GRIN2B: variants seen among roughly 807,000 people sequenced by gnomAD.
GRIN2B encodes the protein glutamate ionotropic receptor NMDA type subunit 2B, also known as glutamate receptor ionotropic, NMDA 2B.
GRIN2B carries 5 observed loss-of-function variants against 114.5 expected under a neutral mutation model. The ratio of observed to expected loss-of-function variants is 0.04; its 90% confidence interval spans 0.02 to 0.09. The LOEUF (loss-of-function observed/expected upper bound fraction) is 0.09. GRIN2B is among the 10% of genes least tolerant of loss of function. The pLI is 1.00. For synonymous variants in GRIN2B, 787 were observed against 745.1 expected (o/e 1.06, Z -0.92); for missense variants, 1,108 against 1,943.5 (o/e 0.57, Z 8.08).
At position 13,783,431 on chromosome 12, in the gene GRIN2B, G is replaced by GGTTTTGTTTTGCTTTGTTTT. The variant is rs1864157502; in HGVS notation, c.412-29517_412-29516insAAAACAAAGCAAAACAAAAC. 2.7e-5 allele frequency among the ~76,000 whole-genome samples: 4 copies of GGTTTTGTTTTGCTTTGTTTT among 149,632 alleles called. No individual in the cohort carries two copies. In the Admixed American group the frequency reaches 2.7e-4, roughly 10 times the overall value. ...GACAAGAGAATTGGTAACGGAAATAGGTTTTGTTTTGTTTTGTTTTGTTTT... is the reference window on the plus strand; with the variant it reads ...GACAAGAGAATTGGTAACGGAAATAGGTTTTGTTTTGCTTTGTTTTGTTTTGTTTTGTTTTGTTTTGTTTT... On this transcript the variant is annotated intron_variant, in intron 3 of 13. Transcript: ENST00000609686.
intron 3 of GRIN2B, among the ~76,000 whole-genome samples, chr12:13,773,190 G>T (rs141007848): frequency 7.0e-4 from 106 of 152,290 alleles, no homozygotes; most frequent in Non-Finnish European, 1.3e-3. Context: ...GGAACTGCGA[G>T]TCTTTATGAA....
At chr12:13,945,761 T>G (rs1309526208) in intron 2 of GRIN2B, among the ~76,000 whole-genome samples, 4 of 152,128 alleles carry the variant, frequency 2.6e-5, no homozygotes, top group Non-Finnish European at 5.9e-5. Flanking sequence ...CTGTGAGACA[T>G]GGGAACATAA....
intron 3 of GRIN2B, among the ~76,000 whole-genome samples, chr12:13,777,374 C>T (rs1864024325): frequency 1.3e-5 from 2 of 152,294 alleles, no homozygotes; most frequent in South Asian, 4.1e-4. Flanking sequence ...CTCTAGACCT[C>T]TTCTTTTCCA....
chr12:13,729,532 C>T (rs891368529), intron 4 of GRIN2B, among the ~76,000 whole-genome samples: 3 of 151,998 alleles, frequency 2.0e-5, no homozygotes, highest in African/African-American at 7.3e-5. Flanking sequence ...AGGGAGAAAG[C>T]TTGGGGAAGA....
rs374009765 is a variant in GRIN2B, at chr12:13,788,853, G to T, written c.412-34938C>A. ...GAGACCACTTCCCTTTTTCTCCAAG[G>T]AAGACCTGCCTTGGCCTGAGCATCA... On this transcript the variant is annotated intron_variant, in intron 3 of 13. Coordinates refer to ENST00000609686, the MANE Select transcript of GRIN2B (RefSeq NM_000834.5). 2.6e-5 allele frequency among the ~76,000 whole-genome samples: 4 copies of T among 152,268 alleles called. No individual in the cohort carries two copies. In the South Asian group the frequency reaches 8.3e-4, roughly 32 times the overall value.
chr12:13,859,404 T>C (rs907635493), intron 3 of GRIN2B, among the ~76,000 whole-genome samples: 2 of 152,154 alleles, frequency 1.3e-5, no homozygotes, highest in Admixed American at 1.3e-4. Flanking sequence ...AAATCCTAGC[T>C]CCAATTTTTA....
intron 5 of GRIN2B, among the ~76,000 whole-genome samples, chr12:13,642,490 C>A (rs1949728657): frequency 6.6e-6 from 1 of 152,070 alleles, no homozygotes. Context: ...ATCCAAGAAG[C>A]TATGACTCTC....
At chr12:13,964,188 C>T (rs2136865142) in intron 2 of GRIN2B, among the ~76,000 whole-genome samples, 1 of 152,286 alleles carries the variant, frequency 6.6e-6, no homozygotes, top group Non-Finnish European at 1.5e-5. Context: ...GTACTTGCAT[C>T]CCCTATCCCT....
In GRIN2B at chr12:13,691,252, A is replaced by G. The variant is rs1297530321; in HGVS notation, c.1011-15393T>C. Among the ~76,000 whole-genome samples, 12 of 152,320 alleles carry G rather than the reference A, an allele frequency of 7.9e-5. No individual in the cohort carries two copies. The East Asian group carries it at 2.3e-3, about 29-fold the overall frequency. On this transcript the variant is annotated intron_variant, in intron 4 of 13. Coordinates refer to ENST00000609686, the MANE Select transcript of GRIN2B (RefSeq NM_000834.5). ...AATAACCCAGGATGTCAGTATCTTCAGAGAGTCCCTGTGGGTCCATGCAAA... is the reference window on the plus strand; with the variant it reads ...AATAACCCAGGATGTCAGTATCTTCGGAGAGTCCCTGTGGGTCCATGCAAA...
At chr12:13,657,485 G>A (rs1056494421) in intron 5 of GRIN2B, among the ~76,000 whole-genome samples, 3 of 152,194 alleles carry the variant, frequency 2.0e-5, no homozygotes, top group East Asian at 1.9e-4. Flanking sequence ...TCATGTTAGC[G>A]ATATGGGAAG....
intron 4 of GRIN2B, among the ~76,000 whole-genome samples, chr12:13,712,122 A>T (rs909387576): frequency 1.3e-5 from 2 of 151,758 alleles, no homozygotes; most frequent in Non-Finnish European, 2.9e-5. Flanking sequence ...GCAAACTATC[A>T]CAAGGACGGA....
intron 2 of GRIN2B, among the ~76,000 whole-genome samples, chr12:13,943,836 T>C (rs1867311592): frequency 6.6e-6 from 1 of 152,176 alleles, no homozygotes; most frequent in Non-Finnish European, 1.5e-5. Context: ...CACTCTCGTC[T>C]ATGATCATAT....
At chr12:13,798,619 T>C (rs1010974277) in intron 3 of GRIN2B, among the ~76,000 whole-genome samples, 3 of 152,230 alleles carry the variant, frequency 2.0e-5, no homozygotes, top group Non-Finnish European at 2.9e-5. Flanking sequence ...TCTTATATTG[T>C]AATCTGCCTT....
intron 2 of GRIN2B, among the ~76,000 whole-genome samples, chr12:13,897,657 A>T (rs1287094686): frequency 6.6e-6 from 1 of 152,168 alleles, no homozygotes; most frequent in Non-Finnish European, 1.5e-5. Context: ...CCCCGCTAGA[A>T]AATAAGAATG....
intron 2 of GRIN2B, among the ~76,000 whole-genome samples, chr12:13,912,708 C>T (rs1866645225): frequency 6.6e-6 from 1 of 152,006 alleles, no homozygotes; most frequent in South Asian, 2.1e-4. Flanking sequence ...TATGACTAGA[C>T]CTTTAAGAGT....
At chr12:13,871,453 G>T (rs1283776781) in intron 2 of GRIN2B, among the ~76,000 whole-genome samples, 1 of 151,166 alleles carries the variant, frequency 6.6e-6, no homozygotes, top group Non-Finnish European at 1.5e-5. Context: ...AAATTCCTTT[G>T]AACAGAATAA....
chr12:13,642,241 A>T (rs906057787), intron 5 of GRIN2B, among the ~76,000 whole-genome samples: 1 of 151,416 alleles, frequency 6.6e-6, no homozygotes, highest in South Asian at 2.1e-4. Context: ...AACTAAACTA[A>T]ACTAAAATGT....
intron 3 of GRIN2B, among the ~76,000 whole-genome samples, chr12:13,763,461 G>A (rs371335822): frequency 2.6e-5 from 4 of 152,230 alleles, no homozygotes; most frequent in Middle Eastern, 3.4e-3. Flanking sequence ...CTTATTCAGA[G>A]CCTCCAACTA....
At chr12:13,883,544 G>A (rs780111591) in intron 2 of GRIN2B, among the ~76,000 whole-genome samples, 1 of 151,898 alleles carries the variant, frequency 6.6e-6, no homozygotes, top group Non-Finnish European at 1.5e-5. Flanking sequence ...CGAATCTCCT[G>A]CCAACTAATG....
Sources: allele counts gnomAD v4.1 joint callset (sites outside exome capture counted in the v4.1 genomes callset), GRCh38; gene constraint gnomAD v4.1.1; transcripts MANE v1.5; gene names NCBI Gene and HGNC (gene_info 2026-07-23, HGNC 2026-07-21).